CFAP300: variants seen among roughly 807,000 people sequenced by gnomAD.
CFAP300 encodes the protein cilia- and flagella-associated protein 300.
CFAP300 carries 32 observed loss-of-function variants against 33.0 expected under a neutral mutation model. The observed-to-expected ratio is 0.97, with a 90% CI of 0.73 to 1.30. The LOEUF (loss-of-function observed/expected upper bound fraction) is 1.30, where lower values mean the gene tolerates loss of function less well. CFAP300 is among the 50% of genes most tolerant of loss of function. The pLI, the probability that CFAP300 is intolerant of heterozygous loss-of-function variation, is 0.00. For synonymous variants in CFAP300, 102 were observed against 106.8 expected (o/e 0.95, Z 0.28); for missense variants, 356 against 318.1 (o/e 1.12, Z -0.90).
intron 4 of CFAP300, among the ~76,000 whole-genome samples, chr11:102,071,376 G>T (rs952834104): frequency 2.6e-5 from 4 of 152,036 alleles, no homozygotes; most frequent in African/African-American, 9.7e-5. Flanking sequence ...TGTTGTTGTT[G>T]TTTTTTAATC....
intron 5 of CFAP300, among the ~76,000 whole-genome samples, chr11:102,078,591 G>A (rs997922235): frequency 6.6e-6 from 1 of 152,156 alleles, no homozygotes; most frequent in Non-Finnish European, 1.5e-5. Flanking sequence ...ATATTTTAAA[G>A]TAATACTAAT....
intron 3 of CFAP300, 123 bp from the exon 4 acceptor site, chr11:102,066,362 T>C: frequency 1.8e-6 from 1 of 567,042 alleles, no homozygotes; most frequent in Non-Finnish European, 2.9e-6. Context: ...ATATTTTAAA[T>C]ATATCAAAAA....
intron 4 of CFAP300, among the ~76,000 whole-genome samples, chr11:102,070,911 C>T (rs970645736): frequency 1.3e-5 from 2 of 152,050 alleles, no homozygotes; most frequent in African/African-American, 4.8e-5. Context: ...TGAGAAGATA[C>T]TTGGTATGTT....
In CFAP300 at chr11:102,047,533, C is replaced by T. The variant is rs1020957181; in HGVS notation, c.63C>T (p.Thr21=). The T allele has an allele frequency of 6.5e-7, 1 of 1,536,046 alleles. No individual in the cohort carries two copies. The highest frequency in any genetic ancestry group is 8.7e-7 in the Non-Finnish European group (1 of 1,146,814). The part of the protein sequence containing the change: ...GYYFRFLPQK[T]FQSLSSKEIT... ...ACTTCAGGTTCTTGCCTCAGAAAAC[C>T]TTCCAGTCTCTGAGCTCTAAGGAGA... Residue 21 remains threonine (T), a synonymous_variant, in exon 1 of 7, where the codon ACC becomes ACT. Transcript: ENST00000434758.
At chr11:102,071,062 G>T (rs1050414588) in intron 4 of CFAP300, among the ~76,000 whole-genome samples, 2 of 152,128 alleles carry the variant, frequency 1.3e-5, no homozygotes, top group African/African-American at 2.4e-5. Context: ...GGTCTAGAGT[G>T]CAGTTTAAAT....
intron 3 of CFAP300, 25 bp downstream of exon 3, chr11:102,058,980 G>T: frequency 7.2e-7 from 1 of 1,383,534 alleles, no homozygotes; most frequent in Non-Finnish European, 9.9e-7. Context: ...CATCTTTTCA[G>T]ATACTATTTT....
chr11:102,047,997 T>C, intron 2 of CFAP300, 101 bp downstream of exon 2: 1 of 1,130,582 alleles, frequency 8.8e-7, no homozygotes, highest in South Asian at 1.7e-5. Flanking sequence ...CTTACTGACG[T>C]CGTTTTCTTG....
At chr11:102,078,147 C>G (rs753471337) in intron 5 of CFAP300, among the ~76,000 whole-genome samples, 6 of 152,166 alleles carry the variant, frequency 3.9e-5, no homozygotes, top group Non-Finnish European at 8.8e-5. Flanking sequence ...CCTGCCTCAG[C>G]CTCCCAAAGT....
intron 4 of CFAP300, among the ~76,000 whole-genome samples, chr11:102,069,327 T>A (rs1443678934): frequency 6.6e-6 from 1 of 152,196 alleles, no homozygotes; most frequent in Non-Finnish European, 1.5e-5. Flanking sequence ...ACAGATTGTA[T>A]TGCCTCACTG....
Position 102,047,555 on chromosome 11 carries a change from G to A in CFAP300, c.85G>A (p.Glu29Lys). ...AACCTTCCAGTCTCTGAGCTCTAAGGAGATCACCAGCCGGCTCCGCCAGTG... is the reference window on the plus strand; with the variant it reads ...AACCTTCCAGTCTCTGAGCTCTAAGAAGATCACCAGCCGGCTCCGCCAGTG... ...QKTFQSLSSK[E>K]ITSRLRQWSM... Residue 29 changes from glutamate (E) to lysine (K), a missense_variant, in exon 1 of 7, where the codon GAG becomes AAG. By Grantham distance (56) the Glu-to-Lys change is moderately conservative (BLOSUM62 1). Transcript: ENST00000434758. 1 of 1,536,034 alleles carries A rather than the reference G, an allele frequency of 6.5e-7. No individual in the cohort carries two copies. The highest frequency in any genetic ancestry group is 8.7e-7 in the Non-Finnish European group (1 of 1,146,794).
chr11:102,050,129 CA>C lies in CFAP300; in HGVS notation c.192+2243del, dbSNP rs531760240. Reference sequence around the variant, plus strand: ...TGGGTGACAAAGTAAGACCCTGTCTCAAAAAAAAAATAATTTCTCTATTACT... The same window carrying C: ...TGGGTGACAAAGTAAGACCCTGTCTCAAAAAAAAATAATTTCTCTATTACT... On this transcript the variant is annotated intron_variant, in intron 2 of 6. Transcript: ENST00000434758. Among the ~76,000 whole-genome samples, 32 of 148,136 alleles carry C rather than the reference CA, an allele frequency of 2.2e-4. 2 individuals are homozygous for C. The South Asian group carries it at 4.7e-3, about 22-fold the overall frequency.
At chr11:102,053,718 T>C (rs1942007922) in intron 2 of CFAP300, among the ~76,000 whole-genome samples, 1 of 152,180 alleles carries the variant, frequency 6.6e-6, no homozygotes, top group South Asian at 2.1e-4. Flanking sequence ...GTCCGTATTA[T>C]AAAATTATAA....
Position 102,065,425 on chromosome 11 carries a change from GA to G in CFAP300, c.269-1056del, listed in dbSNP as rs370387814. Among the ~76,000 whole-genome samples the G allele has an allele frequency of 1.3e-4, 20 of 152,074 alleles. No homozygotes were observed. In the East Asian group the frequency reaches 2.1e-3, roughly 16 times the overall value. On this transcript the variant is annotated intron_variant, in intron 3 of 6. Transcript: ENST00000434758. Reference sequence around the variant, plus strand: ...CAGCTAAGAAATTTTTAAATGAAGAGAAAATGTTTTCAAGATACACTCAAGG... The same window carrying G: ...CAGCTAAGAAATTTTTAAATGAAGAGAAATGTTTTCAAGATACACTCAAGG...
Position 102,066,475 on chromosome 11 carries a change from CT to C in CFAP300, c.269-4del. 6.4e-7 allele frequency: 1 copy of C among 1,550,736 alleles called. No homozygotes were observed. Among genetic ancestry groups the C allele is most frequent in the South Asian group, 1.3e-5 (1 of 79,452 alleles). ...TCTATCTCCATTCTTTATAAAATAT[CT>C]TTTTTCAGGAACTGAAGTGAAAAAA... On this transcript the variant is annotated splice_polypyrimidine_tract_variant and intron_variant, in intron 3 of 6. Coordinates refer to ENST00000434758, the MANE Select transcript of CFAP300 (RefSeq NM_032930.3).
intron 3 of CFAP300, among the ~76,000 whole-genome samples, chr11:102,065,865 T>C (rs981071219): frequency 1.3e-5 from 2 of 152,204 alleles, no homozygotes; most frequent in African/African-American, 2.4e-5. Flanking sequence ...TCTGATAATA[T>C]ATGCATTAAG....
chr11:102,047,450 A>T lies in CFAP300; in HGVS notation c.-21A>T. 6.5e-7 allele frequency: 1 copy of T among 1,529,736 alleles called. No individual in the cohort carries two copies. Among genetic ancestry groups the T allele is most frequent in the South Asian group, 1.2e-5 (1 of 83,918 alleles). The allele number at this position is 1,529,736 out of a possible 1,614,324, so 94.8% of individuals were successfully genotyped here. A position where few individuals can be genotyped will look rare whatever the true frequency, so the allele number is the denominator to read the frequency against. On this transcript the variant is annotated 5_prime_UTR_variant, in exon 1 of 7. Transcript: ENST00000434758. ...GCGTCTCCATGGAAACGGCCCAGGC[A>T]TCCACCCAGCCGAGAGCACGATGGC...
intron 4 of CFAP300, among the ~76,000 whole-genome samples, chr11:102,075,436 G>A (rs556614718): frequency 6.6e-5 from 10 of 152,278 alleles, no homozygotes; most frequent in African/African-American, 1.9e-4. Context: ...AAGAACAATC[G>A]TGATCCAAAA....
At chr11:102,056,895 G>T (rs779246610) in intron 2 of CFAP300, among the ~76,000 whole-genome samples, 2 of 151,872 alleles carry the variant, frequency 1.3e-5, no homozygotes, top group East Asian at 3.9e-4. Context: ...AAAGTCCTGG[G>T]ATTACAGGCC....
At chr11:102,066,718 T>C in intron 4 of CFAP300, 67 bp downstream of exon 4, 2 of 1,425,492 alleles carry the variant, frequency 1.4e-6, no homozygotes, top group Non-Finnish European at 1.9e-6. Flanking sequence ...TGGCAAAAAC[T>C]TTGCCTGCTT....
Sources: allele counts gnomAD v4.1 joint callset (sites outside exome capture counted in the v4.1 genomes callset), GRCh38; gene constraint gnomAD v4.1.1; transcripts MANE v1.5; gene names NCBI Gene and HGNC (gene_info 2026-07-23, HGNC 2026-07-21).